Variants in PLCH2 observed in about 807,000 individuals in gnomAD.
The protein encoded by PLCH2 is 1-phosphatidylinositol 4,5-bisphosphate phosphodiesterase eta-2.
A neutral mutation model predicts 134.7 loss-of-function variants in PLCH2; 98 were observed. The observed-to-expected ratio is 0.73, with a 90% CI of 0.62 to 0.86. The LOEUF is 0.86. PLCH2 is among the 40% of genes least tolerant of loss of function. The probability of loss-of-function intolerance (pLI) is 0.00; values close to 1 mark genes in which losing one functional copy is unlikely to be tolerated. For synonymous variants in PLCH2, 974 were observed against 827.5 expected (o/e 1.18, Z -3.04); for missense variants, 1,994 against 1,986.6 (o/e 1.00, Z -0.07).
At position 2,498,484 on chromosome 1, in the gene PLCH2, A is replaced by G; in HGVS notation, c.2225-39A>G. Reference sequence around the variant, plus strand: ...GCCCCAGCAAGCAGGGGGCTTGCTGAGGGCTGGGCCACTGACCACCTCCCC... The same window carrying G: ...GCCCCAGCAAGCAGGGGGCTTGCTGGGGGCTGGGCCACTGACCACCTCCCC... On this transcript the variant is annotated intron_variant, in intron 16 of 21. Coordinates refer to ENST00000378486, the MANE Select transcript of PLCH2 (RefSeq NM_014638.4). The surrounding 1 kb of genome is among the most constrained non-coding windows in gnomAD (Gnocchi z 5.4). 6.3e-7 allele frequency: 1 copy of G among 1,588,396 alleles called. No homozygotes were observed. Among genetic ancestry groups the G allele is most frequent in the Non-Finnish European group, 8.6e-7 (1 of 1,166,158 alleles).
intron 4 of PLCH2, among the ~76,000 whole-genome samples, chr1:2,480,708 A>G (rs1187906523): frequency 2.0e-5 from 3 of 152,218 alleles, no homozygotes; most frequent in African/African-American, 7.2e-5. Context: ...GGCAGGGCCC[A>G]GTCTGATGCG....
Position 2,504,805 on chromosome 1 carries a change from C to T in PLCH2, c.3843C>T (p.Gly1281=). The change falls in exon 22 of 22, where the codon GGC becomes GGT. Residue 1281 remains glycine, a synonymous_variant. Coordinates refer to ENST00000378486, the MANE Select transcript of PLCH2 (RefSeq NM_014638.4). ...CCCGCAGACTGAGCCACAGCCTGGG[C>T]CTCCCGGGAGGGACACGGCGGGTGT... The part of the protein sequence containing the change: ...GGSRRLSHSL[G]LPGGTRRVSG... 1 of 1,611,690 alleles carries T rather than the reference C, an allele frequency of 6.2e-7. No individual in the cohort carries two copies. The highest frequency in any genetic ancestry group is 8.5e-7 in the Non-Finnish European group (1 of 1,179,544).
chr1:2,442,298 A>C (rs1001104313), intron 2 of PLCH2, among the ~76,000 whole-genome samples: 34 of 152,206 alleles, frequency 2.2e-4, no homozygotes, highest in African/African-American at 7.9e-4. Flanking sequence ...GTGGGGAGCC[A>C]GGACATGCAC....
At chr1:2,454,325 C>T (rs539048589) in intron 2 of PLCH2, among the ~76,000 whole-genome samples, 163 of 152,300 alleles carry the variant, frequency 1.1e-3, no homozygotes, top group Non-Finnish European at 2.0e-3. Flanking sequence ...CAGGCAGCCC[C>T]GAGACAGGGT....
rs769410092 is a variant in PLCH2 at position 2,499,709 on chromosome 1, A to G, written c.2650A>G (p.Ile884Val). ...CTTCGTGCATGTGGCTGTCAGTGAC[A>G]TCAGCGGTAAGGTGAGTGTCACCCC... is the stretch of plus-strand genomic sequence containing the variant. ...SIFVHVAVSD[I>V]SGKVKQALGL... is the part of the protein sequence containing the mutation. Residue 884 changes from isoleucine to valine, a missense_variant, in exon 20 of 22, where the codon ATC (isoleucine) becomes GTC (valine). Physicochemically the swap from Ile to Val is conservative, Grantham distance 29. Coordinates refer to ENST00000378486, the MANE Select transcript of PLCH2 (RefSeq NM_014638.4). 1 of 1,586,748 alleles carries G rather than the reference A, an allele frequency of 6.3e-7. No individual in the cohort carries two copies. The highest frequency in any genetic ancestry group is 1.2e-5 in the South Asian group (1 of 86,464).
At chr1:2,496,293 G>A (rs1642879361) in intron 13 of PLCH2, among the ~76,000 whole-genome samples, 1 of 152,146 alleles carries the variant, frequency 6.6e-6, no homozygotes, top group Non-Finnish European at 1.5e-5. Flanking sequence ...CCAGACCCAG[G>A]CCCCGAGCCC....
chr1:2,496,462 G>C, intron 13 of PLCH2, 145 bp from the exon 14 acceptor site: 1 of 699,150 alleles, frequency 1.4e-6, no homozygotes, highest in Admixed American at 2.5e-5. Context: ...CGCAGCCCGC[G>C]GCCCAGTCTG....
intron 2 of PLCH2, 32 bp from the exon 3 acceptor site, chr1:2,479,702 G>C: frequency 1.3e-6 from 2 of 1,518,820 alleles, no homozygotes; most frequent in African/African-American, 1.4e-5. Flanking sequence ...GGCCCCCGGG[G>C]ACCTGACCCG....
intron 4 of PLCH2, 149 bp from the exon 5 acceptor site, chr1:2,484,299 G>A (rs1642175303): frequency 4.1e-6 from 3 of 736,116 alleles, no homozygotes; most frequent in Non-Finnish European, 6.6e-6. Context: ...GCCCTGGGGA[G>A]TGATTGGAGG....
At chr1:2,434,210 C>G (rs900595843) in intron 2 of PLCH2, among the ~76,000 whole-genome samples, 1 of 152,234 alleles carries the variant, frequency 6.6e-6, no homozygotes, top group Non-Finnish European at 1.5e-5. Context: ...CAGGGGCCGG[C>G]GGGGGCCGCG....
chr1:2,496,808 C>T lies in PLCH2; in HGVS notation c.1934-20C>T, dbSNP rs368261694. On this transcript the variant is annotated intron_variant, in intron 14 of 21. Coordinates refer to ENST00000378486, the MANE Select transcript of PLCH2 (RefSeq NM_014638.4). ...GAGGTCGAGGACTGGCAGTCTGATG[C>T]CCGGTCACCGGCGCCACAGCGGCGT... The T allele has an allele frequency of 9.8e-5, 158 of 1,610,408 alleles. 3 individuals carry two copies. The Middle Eastern group carries it at 1.8e-3, about 18-fold the overall frequency.
chr1:2,443,739 GA>G, intron 2 of PLCH2, among the ~76,000 whole-genome samples: 1 of 147,336 alleles, frequency 6.8e-6, no homozygotes, highest in African/African-American at 2.4e-5. Flanking sequence ...CGGCACGAGT[GA>G]CAGCGCGCTC....
chr1:2,462,910 G>A (rs147166576), upstream of PLCH2, among the ~76,000 whole-genome samples: 523 of 152,338 alleles, frequency 3.4e-3, 3 homozygotes, highest in African/African-American at 0.012. Flanking sequence ...AGTGGGCTTA[G>A]TTTCCTAACC....
At chr1:2,500,496 T>C (rs1196486826) in intron 20 of PLCH2, 3 of 152,466 alleles carry the variant, frequency 2.0e-5, no homozygotes, top group African/African-American at 4.8e-5. Context: ...GTCTCTTTGG[T>C]CTTGCAGTCG....
chr1:2,467,398 C>A (rs750506907), upstream of PLCH2: 1 of 386,002 alleles, frequency 2.6e-6, no homozygotes. Context: ...GGGGCTCCCA[C>A]GGGAGGGGCG....
intron 16 of PLCH2, 119 bp downstream of exon 16, chr1:2,497,728 G>A: frequency 1.5e-6 from 1 of 675,552 alleles, no homozygotes; most frequent in South Asian, 1.9e-5. Flanking sequence ...GGCTTTGGCA[G>A]AGTCCCCTGG....
chr1:2,495,061 C>T, intron 12 of PLCH2, 113 bp downstream of exon 12: 1 of 734,320 alleles, frequency 1.4e-6, no homozygotes, highest in Non-Finnish European at 2.3e-6. Flanking sequence ...GCTCCCAGTG[C>T]CCCAGTGGGC....
At chr1:2,419,190 G>A in the PLCH2 span, among the ~76,000 whole-genome samples, 1 of 152,150 alleles carries the variant, frequency 6.6e-6, no homozygotes, top group Non-Finnish European at 1.5e-5. Context: ...GCGGTCATCT[G>A]TCCCCTCCCA....
intron 7 of PLCH2, 77 bp downstream of exon 7, chr1:2,487,453 G>C: frequency 6.7e-7 from 1 of 1,485,140 alleles, no homozygotes; most frequent in Non-Finnish European, 9.2e-7. Flanking sequence ...GGAGCCCCCG[G>C]GGGGATCTCT....
Sources: gnomAD v4.1 joint callset for allele counts (sites outside exome capture counted in the v4.1 genomes callset) on GRCh38, gnomAD v4.1.1 for gene constraint, Gnocchi (gnomAD v3.1) non-coding constraint, MANE v1.5 for transcripts, NCBI Gene and HGNC (gene_info 2026-07-23, HGNC 2026-07-21) for gene names.